CATSPERT: variants seen among roughly 807,000 people sequenced by gnomAD.
CATSPERT encodes the protein catsper channel auxiliary subunit tau.
chr2:201,517,718 G>A, the CATSPERT span, among the ~76,000 whole-genome samples: 2 of 152,232 alleles, frequency 1.3e-5, no homozygotes, highest in Non-Finnish European at 2.9e-5. Flanking sequence ...GGGCCAGGAT[G>A]TCCGTGTTCT....
At chr2:201,563,468 G>GGC in the CATSPERT span, among the ~76,000 whole-genome samples, 1 of 2,038 alleles carries the variant, frequency 4.9e-4, no homozygotes, top group Admixed American at 5.0e-3. Flanking sequence ...GCGGGGGGCT[G>GGC]ACCCCCCACC....
At chr2:201,492,128 T>G in the CATSPERT span, 10 of 1,526,378 alleles carry the variant, frequency 6.6e-6, no homozygotes, top group Non-Finnish European at 7.9e-6. Flanking sequence ...TCTGCTTCTC[T>G]AAGTTTATCC....
chr2:201,529,652 T>C, the CATSPERT span, among the ~76,000 whole-genome samples: 3 of 152,056 alleles, frequency 2.0e-5, no homozygotes, highest in Non-Finnish European at 4.4e-5. Flanking sequence ...GTAAAGTTAA[T>C]AGAGGAAAAC....
chr2:201,527,743 C>G, the CATSPERT span, among the ~76,000 whole-genome samples: 1 of 151,986 alleles, frequency 6.6e-6, no homozygotes, highest in Admixed American at 6.6e-5. Context: ...CTTTCACCAT[C>G]TACCAAAATC....
At chr2:201,605,899 A>C in the CATSPERT span, among the ~76,000 whole-genome samples, 4 of 152,206 alleles carry the variant, frequency 2.6e-5, no homozygotes, top group African/African-American at 9.7e-5. Context: ...TCAGAAAAGA[A>C]ATTTTTAAAA....
chr2:201,575,162 T>TA, the CATSPERT span: 1 of 762,358 alleles, frequency 1.3e-6, no homozygotes, highest in East Asian at 2.9e-5. Flanking sequence ...CAGTGACTGG[T>TA]ATGGTAACTA....
At chr2:201,552,040 G>A in the CATSPERT span, among the ~76,000 whole-genome samples, 2 of 151,644 alleles carry the variant, frequency 1.3e-5, no homozygotes, top group Admixed American at 1.3e-4. Flanking sequence ...GCCCAGGCTG[G>A]AATGCAGTGG....
At chr2:201,589,968 TTTTA>T in the CATSPERT span, among the ~76,000 whole-genome samples, 713 of 151,172 alleles carry the variant, frequency 4.7e-3, 7 homozygotes, top group African/African-American at 0.016. Flanking sequence ...ATACTTTTCT[TTTTA>T]TTTATTTATT....
the CATSPERT span, among the ~76,000 whole-genome samples, chr2:201,519,207 C>A: frequency 1.3e-5 from 2 of 152,150 alleles, no homozygotes; most frequent in Non-Finnish European, 2.9e-5. Flanking sequence ...CAAAGCCGCA[C>A]CACCACTGCC....
At chr2:201,488,320 T>A in the CATSPERT span, among the ~76,000 whole-genome samples, 1 of 152,208 alleles carries the variant, frequency 6.6e-6, no homozygotes, top group African/African-American at 2.4e-5. Context: ...ACCCCAAATA[T>A]AAATTATGAA....
chr2:201,581,570 A>G, the CATSPERT span, among the ~76,000 whole-genome samples: 2 of 77,492 alleles, frequency 2.6e-5, no homozygotes, highest in African/African-American at 1.0e-4. Flanking sequence ...ATATATATAT[A>G]TATATATATA....
At chr2:201,550,046 C>T in the CATSPERT span, 19 of 152,152 alleles carry the variant, frequency 1.2e-4, no homozygotes, top group East Asian at 3.3e-3. Flanking sequence ...GTTGATAATT[C>T]GAGTAGTCCT....
the CATSPERT span, among the ~76,000 whole-genome samples, chr2:201,506,936 T>C: frequency 6.6e-6 from 1 of 152,342 alleles, no homozygotes; most frequent in African/African-American, 2.4e-5. Context: ...ACCTCATGCA[T>C]TGCACTTAAA....
the CATSPERT span, among the ~76,000 whole-genome samples, chr2:201,499,262 G>GAA: frequency 6.6e-6 from 1 of 152,138 alleles, no homozygotes; most frequent in Non-Finnish European, 1.5e-5. Context: ...GTGACCCTTG[G>GAA]AAAAGATTCT....
the CATSPERT span, among the ~76,000 whole-genome samples, chr2:201,605,513 C>G: frequency 6.6e-6 from 1 of 152,062 alleles, no homozygotes; most frequent in Non-Finnish European, 1.5e-5. Flanking sequence ...CCCTCCTTTC[C>G]CCTTACCTCC....
the CATSPERT span, among the ~76,000 whole-genome samples, chr2:201,537,234 T>A: frequency 6.6e-6 from 1 of 151,918 alleles, no homozygotes; most frequent in Non-Finnish European, 1.5e-5. Flanking sequence ...GTCCCCTATC[T>A]TCATATTTTT....
chr2:201,533,424 C>T, the CATSPERT span, among the ~76,000 whole-genome samples: 2 of 152,202 alleles, frequency 1.3e-5, no homozygotes, highest in African/African-American at 4.8e-5. Context: ...GGTCAACTGA[C>T]TGATATATGC....
the CATSPERT span, among the ~76,000 whole-genome samples, chr2:201,495,698 T>TC: frequency 7.9e-5 from 12 of 151,372 alleles, no homozygotes; most frequent in Non-Finnish European, 1.5e-4. Flanking sequence ...TTTTTTTTTT[T>TC]TTTTTGAGAA....
At chr2:201,510,016 C>A in the CATSPERT span, among the ~76,000 whole-genome samples, 1 of 150,870 alleles carries the variant, frequency 6.6e-6, no homozygotes, top group Non-Finnish European at 1.5e-5. Context: ...AATACAGTGG[C>A]TCATTTAACT....
Sources: allele counts gnomAD v4.1 joint callset (sites outside exome capture counted in the v4.1 genomes callset), GRCh38; gene constraint gnomAD v4.1.1; transcripts MANE v1.5; gene names NCBI Gene and HGNC (gene_info 2026-07-23, HGNC 2026-07-21).